Variants in LSAMP observed in about 807,000 individuals in gnomAD.
LSAMP encodes limbic system-associated membrane protein.
A neutral mutation model predicts 38.6 loss-of-function variants in LSAMP; 7 were observed. The ratio of observed to expected loss-of-function variants is 0.18; its 90% confidence interval spans 0.10 to 0.34. The LOEUF (loss-of-function observed/expected upper bound fraction) is 0.34, where lower values mean the gene tolerates loss of function less well. Among genes scored for constraint, LSAMP ranks in the 10% least tolerant of loss-of-function variants. The pLI is 1.00. For synonymous variants in LSAMP, 154 were observed against 166.8 expected (o/e 0.92, Z 0.59); for missense variants, 313 against 420.0 (o/e 0.75, Z 2.23).
chr3:116,186,513 T>C (rs941198839), intron 1 of LSAMP, among the ~76,000 whole-genome samples: 1 of 152,144 alleles, frequency 6.6e-6, no homozygotes, highest in Non-Finnish European at 1.5e-5. Flanking sequence ...GTAGAATTAA[T>C]CAAGTTCTGT....
intron 2 of LSAMP, among the ~76,000 whole-genome samples, chr3:116,065,672 G>C (rs1707410725): frequency 6.6e-6 from 1 of 152,200 alleles, no homozygotes; most frequent in African/African-American, 2.4e-5. Context: ...TTTTGTCTCA[G>C]CAGTTTCTCC....
intron 3 of LSAMP, among the ~76,000 whole-genome samples, chr3:116,005,017 T>C (rs933358714): frequency 1.3e-5 from 2 of 152,138 alleles, no homozygotes; most frequent in African/African-American, 2.4e-5. Context: ...ATGTGACTGT[T>C]CTAGTGATGG....
intron 1 of LSAMP, among the ~76,000 whole-genome samples, chr3:116,268,015 C>A (rs2046914940): frequency 6.6e-6 from 1 of 152,108 alleles, no homozygotes; most frequent in Non-Finnish European, 1.5e-5. Context: ...AAATGATATG[C>A]CAGGGCAATT....
chr3:115,857,914 A>T (rs1052987113), intron 3 of LSAMP, among the ~76,000 whole-genome samples: 5 of 152,206 alleles, frequency 3.3e-5, no homozygotes, highest in African/African-American at 1.2e-4. Context: ...GAATAACTCC[A>T]ATTAAAGCAT....
At chr3:116,139,610 C>T (rs957521593) in intron 1 of LSAMP, among the ~76,000 whole-genome samples, 2 of 151,980 alleles carry the variant, frequency 1.3e-5, no homozygotes, top group East Asian at 1.9e-4. Context: ...CTGCCAGATT[C>T]ATTGCAAGTT....
At chr3:116,427,183 C>A (rs1034372848) in intron 1 of LSAMP, among the ~76,000 whole-genome samples, 1 of 139,210 alleles carries the variant, frequency 7.2e-6, no homozygotes, top group Non-Finnish European at 1.5e-5. Context: ...TGCAGTGGCG[C>A]AATCTCGGCT....
chr3:116,410,581 G>A (rs747490697), intron 1 of LSAMP, among the ~76,000 whole-genome samples: 7 of 151,518 alleles, frequency 4.6e-5, no homozygotes, highest in Non-Finnish European at 7.4e-5. Flanking sequence ...CTTTTCTTAC[G>A]AAAACTTTTC....
At chr3:115,824,265 G>A (rs777087127) in intron 6 of LSAMP, among the ~76,000 whole-genome samples, 2 of 152,196 alleles carry the variant, frequency 1.3e-5, no homozygotes, top group Non-Finnish European at 2.9e-5. Context: ...GACTAGACAT[G>A]CAGTTTCTGT....
At chr3:116,254,070 G>A (rs755267800) in intron 1 of LSAMP, among the ~76,000 whole-genome samples, 10 of 151,978 alleles carry the variant, frequency 6.6e-5, no homozygotes, top group South Asian at 2.1e-4. Flanking sequence ...ATAACTTATG[G>A]AGTAATCTAC....
intron 3 of LSAMP, among the ~76,000 whole-genome samples, chr3:115,881,896 G>A (rs1450227449): frequency 6.6e-6 from 1 of 152,100 alleles, no homozygotes; most frequent in African/African-American, 2.4e-5. Flanking sequence ...TCTTAGAACT[G>A]TGATTAGTAA....
chr3:116,381,969 A>G (rs1206692640), intron 1 of LSAMP, among the ~76,000 whole-genome samples: 1 of 152,146 alleles, frequency 6.6e-6, no homozygotes, highest in Non-Finnish European at 1.5e-5. Flanking sequence ...AGACAAAAAA[A>G]TAGTTTTTAT....
intron 1 of LSAMP, among the ~76,000 whole-genome samples, chr3:116,411,224 C>T (rs946876582): frequency 3.3e-5 from 5 of 152,060 alleles, no homozygotes; most frequent in Non-Finnish European, 7.4e-5. Flanking sequence ...ATGGCGATGC[C>T]TCAGGGATCT....
chr3:115,933,710 A>G (rs1039038608), intron 3 of LSAMP, among the ~76,000 whole-genome samples: 1 of 152,170 alleles, frequency 6.6e-6, no homozygotes, highest in Non-Finnish European at 1.5e-5. Context: ...GTATCTCCAT[A>G]CTGTGGTGAC....
intron 1 of LSAMP, among the ~76,000 whole-genome samples, chr3:116,275,904 G>A (rs927592565): frequency 6.6e-6 from 1 of 152,098 alleles, no homozygotes; most frequent in East Asian, 1.9e-4. Context: ...ACCAAATCAG[G>A]GGAAGATAGA....
At chr3:116,076,504 A>C (rs1576348682) in intron 2 of LSAMP, among the ~76,000 whole-genome samples, 1 of 151,812 alleles carries the variant, frequency 6.6e-6, no homozygotes, top group Admixed American at 6.6e-5. Context: ...TGATCTGCCC[A>C]CCTCAGCCTC....
chr3:116,429,389 G>A (rs1295822907), intron 1 of LSAMP, among the ~76,000 whole-genome samples: 1 of 152,152 alleles, frequency 6.6e-6, no homozygotes, highest in Non-Finnish European at 1.5e-5. Context: ...ATAATTGACA[G>A]ATGACTGCCA....
rs577664402 is a variant in LSAMP, at chr3:115,897,191, C to T, written c.515-44574G>A. On this transcript the variant is annotated intron_variant, in intron 3 of 6. Transcript: ENST00000490035. ...AGGGAGGAGGTATTGCTTAGATGCT[C>T]ACCCAGCTATTAATAAAGCTGATCA... is the stretch of plus-strand genomic sequence containing the variant. Among the ~76,000 whole-genome samples the T allele has an allele frequency of 9.1e-4, 139 of 152,136 alleles. 1 individual carries two copies. Among genetic ancestry groups the T allele is most frequent in the African/African-American group, 3.1e-3 (129 of 41,530 alleles).
intron 1 of LSAMP, among the ~76,000 whole-genome samples, chr3:116,331,831 C>A (rs1221579073): frequency 5.3e-5 from 8 of 151,894 alleles, no homozygotes; most frequent in African/African-American, 1.9e-4. Flanking sequence ...TATTTTCTTT[C>A]TTTCTTTTCT....
At chr3:116,231,816 T>C (rs1330849580) in intron 1 of LSAMP, among the ~76,000 whole-genome samples, 1 of 152,184 alleles carries the variant, frequency 6.6e-6, no homozygotes, top group African/African-American at 2.4e-5. Flanking sequence ...GCTCAGAACT[T>C]AGAACCTTTA....
Sources: gnomAD v4.1 joint callset for allele counts (sites outside exome capture counted in the v4.1 genomes callset) on GRCh38, gnomAD v4.1.1 for gene constraint, MANE v1.5 for transcripts, NCBI Gene and HGNC (gene_info 2026-07-23, HGNC 2026-07-21) for gene names.